Variants in TRAK1 observed in about 807,000 individuals in gnomAD.
The protein encoded by TRAK1 is trafficking kinesin-binding protein 1.
In TRAK1, 33 loss-of-function variants were observed where a neutral mutation model predicts 92.1. That is an observed-to-expected ratio of 0.36 (90% CI 0.27 to 0.48). The LOEUF (loss-of-function observed/expected upper bound fraction) is 0.48, where lower values mean the gene tolerates loss of function less well. TRAK1 is among the 20% of genes least tolerant of loss of function. The pLI is 0.99. For synonymous variants in TRAK1, 521 were observed against 517.3 expected (o/e 1.01, Z -0.10); for missense variants, 1,123 against 1,257.9 (o/e 0.89, Z 1.62).
chr3:42,094,580 C>T (rs993076626), intron 1 of TRAK1, among the ~76,000 whole-genome samples: 3 of 152,000 alleles, frequency 2.0e-5, no homozygotes, highest in African/African-American at 7.2e-5. Context: ...CTGTGTTGAC[C>T]AGGCTGGTCT....
intron 3 of TRAK1, among the ~76,000 whole-genome samples, chr3:42,183,553 T>TAAAAAAAAAAAAAAAAAAAAAA (rs11293523): frequency 9.4e-5 from 11 of 117,322 alleles, no homozygotes; most frequent in African/African-American, 3.5e-4. Flanking sequence ...AGACTCTGTC[T>TAAAAAAAAAAAAAAAAAAAAAA]AAAAAAAAAA....
intron 1 of TRAK1, among the ~76,000 whole-genome samples, chr3:42,080,889 T>A (rs1181298134): frequency 6.6e-6 from 1 of 152,188 alleles, no homozygotes; most frequent in Non-Finnish European, 1.5e-5. Context: ...TACTCTTTTT[T>A]TTTGAGATAG....
At chr3:42,219,845 G>T (rs866470051) in intron 15 of TRAK1, among the ~76,000 whole-genome samples, 12 of 137,392 alleles carry the variant, frequency 8.7e-5, no homozygotes, top group South Asian at 2.4e-4. Context: ...GCCCAGGCTG[G>T]AGTGTAGTGG....
Position 42,103,490 on chromosome 3 carries a change from G to A in TRAK1, c.91+11930G>A, listed in dbSNP as rs117755747. On this transcript the variant is annotated intron_variant, in intron 1 of 15. Transcript: ENST00000327628. ...ATGCCTGGCCATGCGTTCTTAATACGCTTTCAAAGATTTCTACTGTCATTG... is the reference window on the plus strand; with the variant it reads ...ATGCCTGGCCATGCGTTCTTAATACACTTTCAAAGATTTCTACTGTCATTG... Among the ~76,000 whole-genome samples, 1,083 of 152,194 alleles carry A rather than the reference G, an allele frequency of 7.1e-3. 51 individuals are homozygous for A. In the East Asian group the frequency reaches 0.13, roughly 18 times the overall value.
rs1427041587 is a variant in TRAK1 at position 42,202,475 on chromosome 3, C to G, written c.1467C>G (p.Thr489=). 1 of 1,498,100 alleles carries G rather than the reference C, an allele frequency of 6.7e-7. No homozygotes were observed. Among genetic ancestry groups the G allele is most frequent in the African/African-American group, 1.4e-5 (1 of 71,318 alleles). The allele number at this position is 1,498,100 out of a possible 1,614,324, so 92.8% of individuals were successfully genotyped here. A position where few individuals can be genotyped will look rare whatever the true frequency, so the allele number is the denominator to read the frequency against. Residue 489 remains threonine, a synonymous_variant, in exon 13 of 16, where the codon ACC becomes ACG. Transcript: ENST00000327628. The surrounding 1 kb of genome is among the most constrained non-coding windows in gnomAD (Gnocchi z 6.1). ...ERSKKPGTPG[T]PGSHDLETAL... is the part of the protein sequence containing the mutation. ...GTAAGAAGCCGGGGACGCCGGGCAC[C>G]CCAGGCTCCCACGACCTGGAGACGG... is the stretch of plus-strand genomic sequence containing the variant.
At chr3:42,132,470 G>A (rs1339374226) in intron 2 of TRAK1, among the ~76,000 whole-genome samples, 1 of 151,892 alleles carries the variant, frequency 6.6e-6, no homozygotes, top group Non-Finnish European at 1.5e-5. Context: ...TCACCATGTT[G>A]CCCAGGCTGG....
chr3:42,202,864 G>A lies in TRAK1; in HGVS notation c.1744+112G>A, dbSNP rs369941061. On this transcript the variant is annotated intron_variant, in intron 13 of 15. Coordinates refer to ENST00000327628, the MANE Select transcript of TRAK1 (RefSeq NM_001042646.3). The surrounding 1 kb of genome is among the most constrained non-coding windows in gnomAD (Gnocchi z 6.1). ...TGTCACGCCTACTCCTTTTTCTTCC[G>A]CGACAGCCACCCGCGCTGCTGGTTT... 3.7e-5 allele frequency: 56 copies of A among 1,496,620 alleles called. No individual in the cohort carries two copies. In the African/African-American group the frequency reaches 4.3e-4, roughly 12 times the overall value. 92.7% of individuals were successfully genotyped at this position (1,496,620 alleles called of 1,614,324 possible). A position where few individuals can be genotyped will look rare whatever the true frequency, so the allele number is the denominator to read the frequency against.
intron 2 of TRAK1, among the ~76,000 whole-genome samples, chr3:42,150,314 A>G (rs953657157): frequency 6.6e-6 from 1 of 152,208 alleles, no homozygotes; most frequent in African/African-American, 2.4e-5. Context: ...TTTCAAGCAC[A>G]CAGAAAACAG....
At chr3:42,093,649 C>CCTCTT (rs1705432014) in intron 1 of TRAK1, among the ~76,000 whole-genome samples, 1 of 40,600 alleles carries the variant, frequency 2.5e-5, no homozygotes, top group African/African-American at 1.1e-4. Flanking sequence ...TCTTTTTTCT[C>CCTCTT]CCCTTCCCTT....
intron 1 of TRAK1, among the ~76,000 whole-genome samples, chr3:42,074,713 A>G (rs1704076342): frequency 1.3e-5 from 2 of 148,644 alleles, no homozygotes. Flanking sequence ...ATTTAGGTTC[A>G]GGTAGTACAT....
intron 2 of TRAK1, chr3:42,146,003 G>T: frequency 2.8e-6 from 1 of 362,054 alleles, no homozygotes; most frequent in Non-Finnish European, 5.3e-6. Context: ...ACAATGAAAT[G>T]TTCTCTGAAG....
chr3:42,171,699 A>G (rs762897287), intron 2 of TRAK1, among the ~76,000 whole-genome samples: 12 of 151,970 alleles, frequency 7.9e-5, no homozygotes, highest in Non-Finnish European at 1.3e-4. Context: ...TTTTCTTCCC[A>G]TGGGGTTTTC....
At chr3:42,162,747 C>T (rs933061241) in intron 2 of TRAK1, among the ~76,000 whole-genome samples, 2 of 152,126 alleles carry the variant, frequency 1.3e-5, no homozygotes, top group Non-Finnish European at 2.9e-5. Context: ...CAGTTCCTGT[C>T]AGCAAAATAT....
At chr3:42,093,156 A>G (rs1229775056) in intron 1 of TRAK1, among the ~76,000 whole-genome samples, 3 of 152,232 alleles carry the variant, frequency 2.0e-5, no homozygotes, top group Non-Finnish European at 4.4e-5. Flanking sequence ...GAGAAAATGT[A>G]AATTACAATG....
intron 1 of TRAK1, among the ~76,000 whole-genome samples, chr3:42,042,900 C>G (rs1463147197): frequency 6.6e-6 from 1 of 152,056 alleles, no homozygotes; most frequent in Non-Finnish European, 1.5e-5. Context: ...AGACCATGAC[C>G]TGTCATGGTC....
chr3:42,102,754 G>A (rs1432147951), intron 1 of TRAK1, among the ~76,000 whole-genome samples: 5 of 152,108 alleles, frequency 3.3e-5, no homozygotes, highest in Admixed American at 3.3e-4. Context: ...CCCTTACTGC[G>A]CATGTGTTAA....
intron 1 of TRAK1, among the ~76,000 whole-genome samples, chr3:42,069,073 C>T (rs1320910221): frequency 6.6e-6 from 1 of 151,836 alleles, no homozygotes; most frequent in Non-Finnish European, 1.5e-5. Flanking sequence ...CATGGTGGCT[C>T]ATGTCTGTAA....
At chr3:42,142,076 G>A (rs1576585482) in intron 2 of TRAK1, among the ~76,000 whole-genome samples, 1 of 152,182 alleles carries the variant, frequency 6.6e-6, no homozygotes, top group East Asian at 1.9e-4. Context: ...AGGTTGCAGT[G>A]AGCTGAGATT....
At chr3:42,090,680 C>T (rs554341192), upstream of TRAK1, among the ~76,000 whole-genome samples, 141 of 151,990 alleles carry the variant, frequency 9.3e-4, no homozygotes, top group African/African-American at 3.3e-3. Flanking sequence ...GAGACTCTCT[C>T]AAAAAAACAA....
Sources: gnomAD v4.1 joint callset for allele counts (sites outside exome capture counted in the v4.1 genomes callset) on GRCh38, gnomAD v4.1.1 for gene constraint, Gnocchi (gnomAD v3.1) non-coding constraint, MANE v1.5 for transcripts, NCBI Gene and HGNC (gene_info 2026-07-23, HGNC 2026-07-21) for gene names.